Variants in TMEM186 observed in about 807,000 individuals in gnomAD.
TMEM186 encodes transmembrane protein 186.
A neutral mutation model predicts 2.5 loss-of-function variants in TMEM186; 2 were observed. The observed-to-expected ratio is 0.79, with a 90% confidence interval of 0.32 to 2.50. TMEM186 has a LOEUF of 2.50. Ranked by LOEUF, TMEM186 falls within the 30% of genes most tolerant of loss-of-function variation. The probability of loss-of-function intolerance (pLI) is 0.11; values close to 1 mark genes in which losing one functional copy is unlikely to be tolerated. For synonymous variants in TMEM186, 120 were observed against 104.9 expected (o/e 1.14, Z -0.88); for missense variants, 321 against 276.5 (o/e 1.16, Z -1.14).
In TMEM186 at chr16:8,796,422, T is replaced by A. The variant is rs1206662647; in HGVS notation, c.172A>T (p.Met58Leu). 2.5e-6 allele frequency: 4 copies of A among 1,614,100 alleles called. No individual in the cohort carries two copies. The highest frequency in any genetic ancestry group is 3.4e-6 in the Non-Finnish European group (4 of 1,180,016). Residue 58 changes from methionine to leucine, a missense_variant, in exon 2 of 2, where the codon ATG (methionine) becomes TTG (leucine). Physicochemically the swap from Met to Leu is conservative, Grantham distance 15. Coordinates refer to ENST00000333050, the MANE Select transcript of TMEM186 (RefSeq NM_015421.4). The stretch of plus-strand genomic sequence containing the variant: ...CTGATGGCATCAAAACGGTAAAACA[T>A]CCAGAATTTCTCAGTCTCTGCGTTT... The part of the protein sequence containing the change: ...LPNAETEKFW[M>L]FYRFDAIRTF...
chr16:8,795,765 A>G lies in TMEM186; in HGVS notation c.*187T>C, dbSNP rs2060571398. On this transcript the variant is annotated 3_prime_UTR_variant, in exon 2 of 2. Coordinates refer to ENST00000333050, the MANE Select transcript of TMEM186 (RefSeq NM_015421.4). ...ACAAGTGCTGTAAGAACTTGCTTAG[A>G]GCCTTTTTCCTAAACCTGTACACCA... 1.4e-6 allele frequency: 1 copy of G among 689,904 alleles called. No individual in the cohort carries two copies. The highest frequency in any genetic ancestry group is 2.8e-5 in the Admixed American group (1 of 36,300). 42.7% of individuals were successfully genotyped at this position (689,904 alleles called of 1,614,324 possible).
At chr16:8,796,821 A>G (rs2060579500) in intron 1 of TMEM186, among the ~76,000 whole-genome samples, 3 of 152,220 alleles carry the variant, frequency 2.0e-5, no homozygotes, top group Admixed American at 6.5e-5. Context: ...AAGCCCAGAG[A>G]GGGTAAGATA....
At chr16:8,797,005 G>A (rs1300162455) in intron 1 of TMEM186, among the ~76,000 whole-genome samples, 1 of 152,216 alleles carries the variant, frequency 6.6e-6, no homozygotes, top group African/African-American at 2.4e-5. Flanking sequence ...TCCCCAAGCA[G>A]GAAACTAAAT....
Position 8,796,273 on chromosome 16 carries a change from A to T in TMEM186, c.321T>A (p.Ser107Arg), listed in dbSNP as rs374086395. 129 of 1,614,002 alleles carry T rather than the reference A, an allele frequency of 8.0e-5. No individual in the cohort carries two copies. In the Middle Eastern group the frequency reaches 8.2e-4, roughly 10 times the overall value. ...LLTLNTVCLM[S>R]GISGFALTML... The stretch of plus-strand genomic sequence containing the variant: ...TGGTCAGGGCAAAGCCCGATATCCC[A>T]CTCATGAGGCACACGGTGTTGAGAG... The change falls in exon 2 of 2, where the codon AGT becomes AGA. Residue 107 changes from serine (S) to arginine (R), a missense_variant. Coordinates refer to ENST00000333050, the MANE Select transcript of TMEM186 (RefSeq NM_015421.4).
chr16:8,796,079 T>C lies in TMEM186; in HGVS notation c.515A>G (p.Gln172Arg). ...CCGCTGGATACGCACAAACATCTCC[T>C]GAGGCCGGTCCTTGGTTTCTGTCAG... ...IPLTETKDRPQEMFVRIQRYS... is the reference protein window; with the variant it reads ...IPLTETKDRPREMFVRIQRYS... Residue 172 changes from glutamine (Q) to arginine (R), a missense_variant, in exon 2 of 2, where the codon CAG (glutamine) becomes CGG (arginine). Coordinates refer to ENST00000333050, the MANE Select transcript of TMEM186 (RefSeq NM_015421.4). The C allele has an allele frequency of 1.9e-6, 3 of 1,614,236 alleles. No individual in the cohort carries two copies. Among genetic ancestry groups the C allele is most frequent in the South Asian group, 1.1e-5 (1 of 91,088 alleles).
chr16:8,797,589 A>G, intron 1 of TMEM186, 23 bp downstream of exon 1: 1 of 1,601,976 alleles, frequency 6.2e-7, no homozygotes, highest in Middle Eastern at 1.7e-4. Flanking sequence ...CACCCCCTCA[A>G]GGCTCGCCAC....
At chr16:8,796,650 G>T in intron 1 of TMEM186, 60 bp from the exon 2 acceptor site, 1 of 1,564,768 alleles carries the variant, frequency 6.4e-7, no homozygotes, top group South Asian at 1.1e-5. Context: ...ATCACACGGT[G>T]AACATCTGCA....
In TMEM186 at chr16:8,796,506, GCCCA is replaced by G. The variant is rs1249110879; in HGVS notation, c.84_87del (p.Gly29ArgfsTer45). ...CCCACCCACCTCTTAGGATCCTCCT[GCCCA>G]CTGCAGCACCACAGCCCATGGAGAG... On this transcript the variant is annotated frameshift_variant, in exon 2 of 2. Transcript: ENST00000333050. LOFTEE classifies it low-confidence loss of function (END_TRUNC). 3.1e-6 allele frequency: 5 copies of G among 1,614,042 alleles called. No homozygotes were observed. Among genetic ancestry groups the G allele is most frequent in the Non-Finnish European group, 4.2e-6 (5 of 1,180,042 alleles).
In TMEM186 at chr16:8,795,425, T is replaced by C. The variant is rs1596480362; in HGVS notation, c.*527A>G. ...CCTGCTAAAACCTCTGACCAAATGC[T>C]TAATAATATCTGCTGTAGGCTGTTG... On this transcript the variant is annotated 3_prime_UTR_variant, in exon 2 of 2. Transcript: ENST00000333050. 6.4e-6 allele frequency: 1 copy of C among 155,456 alleles called. No homozygotes were observed. Among genetic ancestry groups the C allele is most frequent in the South Asian group, 2.0e-4 (1 of 5,114 alleles). 9.6% of individuals were successfully genotyped at this position (155,456 alleles called of 1,614,324 possible). A position where few individuals can be genotyped will look rare whatever the true frequency, so the allele number is the denominator to read the frequency against.
chr16:8,796,879 A>C (rs2060580117), intron 1 of TMEM186, among the ~76,000 whole-genome samples: 1 of 152,174 alleles, frequency 6.6e-6, no homozygotes, highest in Admixed American at 6.5e-5. Context: ...TCCTCCTTCC[A>C]CCAGGCAATT....
Position 8,796,522 on chromosome 16 carries a change from C to A in TMEM186, c.72G>T (p.Leu24=), listed in dbSNP as rs1312980719. 3 of 1,614,116 alleles carry A rather than the reference C, an allele frequency of 1.9e-6. No individual in the cohort carries two copies. The African/African-American group carries it at 4.0e-5, about 22-fold the overall frequency. Residue 24 remains leucine, a synonymous_variant, in exon 2 of 2, where the codon CTG becomes CTT. Transcript: ENST00000333050. ...KAVWERPLHG[L]WCCSGQEDPK... is the part of the protein sequence containing the mutation. ...GATCCTCCTGCCCACTGCAGCACCA[C>A]AGCCCATGGAGAGGCCTTTCCCACA...
chr16:8,796,603 C>A lies in TMEM186; in HGVS notation c.4-13G>T. 1 of 1,605,910 alleles carries A rather than the reference C, an allele frequency of 6.2e-7. No homozygotes were observed. The highest frequency in any genetic ancestry group is 8.5e-7 in the Non-Finnish European group (1 of 1,176,510). On this transcript the variant is annotated splice_polypyrimidine_tract_variant and intron_variant, in intron 1 of 1. Transcript: ENST00000333050. The stretch of plus-strand genomic sequence containing the variant: ...GGAGAAGGGCAGCCTGAAAGGGAGA[C>A]AGTAGACCATTTCTCTCATGGAACT...
chr16:8,796,312 G>A lies in TMEM186; in HGVS notation c.282C>T (p.Ser94=), dbSNP rs1401482969. 7.4e-6 allele frequency: 12 copies of A among 1,614,190 alleles called. No homozygotes were observed. Among genetic ancestry groups the A allele is most frequent in the East Asian group, 2.2e-5 (1 of 44,878 alleles). The change falls in exon 2 of 2, where the codon TCC becomes TCT. Residue 94 remains serine (S), a synonymous_variant. Transcript: ENST00000333050. ...VALPPGYYLY[S]QGLLTLNTVC... is the part of the protein sequence containing the mutation. ...CGGTGTTGAGAGTGAGGAGGCCCTG[G>A]GAGTACAAGTAATAGCCTGGTGGCA...
At chr16:8,797,424 T>C (rs920182017) in intron 1 of TMEM186, among the ~76,000 whole-genome samples, 188 bp downstream of exon 1, 1 of 146,834 alleles carries the variant, frequency 6.8e-6, no homozygotes, top group African/African-American at 2.5e-5. Context: ...TTTTAGCTAC[T>C]ACTACTGTGC....
In TMEM186 at chr16:8,795,876, C is replaced by T; in HGVS notation, c.*76G>A. 1 of 1,514,568 alleles carries T rather than the reference C, an allele frequency of 6.6e-7. No homozygotes were observed. Among genetic ancestry groups the T allele is most frequent in the Middle Eastern group, 2.3e-4 (1 of 4,404 alleles). The allele number at this position is 1,514,568 out of a possible 1,614,324, so 93.8% of individuals were successfully genotyped here. ...CTCCAAGTACCCAGTCCCCTTTCTTCAGCCTTGCCCACACCCTCAGCCTTC... is the reference window on the plus strand; with the variant it reads ...CTCCAAGTACCCAGTCCCCTTTCTTTAGCCTTGCCCACACCCTCAGCCTTC... On this transcript the variant is annotated 3_prime_UTR_variant, in exon 2 of 2. Coordinates refer to ENST00000333050, the MANE Select transcript of TMEM186 (RefSeq NM_015421.4).
rs746690774 is a variant in TMEM186 at position 8,795,557 on chromosome 16, A to G, written c.*395T>C. On this transcript the variant is annotated 3_prime_UTR_variant, in exon 2 of 2. Coordinates refer to ENST00000333050, the MANE Select transcript of TMEM186 (RefSeq NM_015421.4). ...GAAAACCAAGATTCAAAGAGACTCA[A>G]TAACCTGCTCCAGGACAAATGACAG... 2 of 179,938 alleles carry G rather than the reference A, an allele frequency of 1.1e-5. No homozygotes were observed. Among genetic ancestry groups the G allele is most frequent in the Non-Finnish European group, 1.2e-5 (1 of 84,394 alleles). The allele number at this position is 179,938 out of a possible 1,614,324, so 11.1% of individuals were successfully genotyped here.
chr16:8,796,632 C>T lies in TMEM186; in HGVS notation c.4-42G>A, dbSNP rs751131306. On this transcript the variant is annotated intron_variant, in intron 1 of 1. Coordinates refer to ENST00000333050, the MANE Select transcript of TMEM186 (RefSeq NM_015421.4). ...AGACCATTTCTCTCATGGAACTCAA[C>T]CACATTAATCACACGGTGAACATCT... 5.7e-6 allele frequency: 9 copies of T among 1,590,064 alleles called. No homozygotes were observed. In the South Asian group the frequency reaches 6.7e-5, roughly 12 times the overall value.
rs1209578436 is a variant in TMEM186, at chr16:8,795,661, T to C, written c.*291A>G. 2.8e-6 allele frequency: 1 copy of C among 357,720 alleles called. No individual in the cohort carries two copies. Among genetic ancestry groups the C allele is most frequent in the South Asian group, 5.1e-5 (1 of 19,702 alleles). 22.2% of individuals were successfully genotyped at this position (357,720 alleles called of 1,614,324 possible). A position where few individuals can be genotyped will look rare whatever the true frequency, so the allele number is the denominator to read the frequency against. The stretch of plus-strand genomic sequence containing the variant: ...TTCTCTTTCACACCAATGGACTCTA[T>C]GGGTGACCTTGGCATAGGTTCTTCT... On this transcript the variant is annotated 3_prime_UTR_variant, in exon 2 of 2. Coordinates refer to ENST00000333050, the MANE Select transcript of TMEM186 (RefSeq NM_015421.4).
chr16:8,797,489 C>T, intron 1 of TMEM186, 123 bp downstream of exon 1: 1 of 1,295,280 alleles, frequency 7.7e-7, no homozygotes, highest in Non-Finnish European at 1.1e-6. Flanking sequence ...CTGTAACACA[C>T]GCCAGAGCTT....
Sources: allele counts gnomAD v4.1 joint callset (sites outside exome capture counted in the v4.1 genomes callset), GRCh38; gene constraint gnomAD v4.1.1; transcripts MANE v1.5; gene names NCBI Gene and HGNC (gene_info 2026-07-23, HGNC 2026-07-21).